The following PVT1 variants were observed in gnomAD, a reference collection of about 807,000 sequenced individuals.
PVT1 encodes CXCR4/PVT1 fusion.
At chr8:128,076,668 G>T (rs759875475) in intron 5 of PVT1, among the ~76,000 whole-genome samples, 1 of 152,148 alleles carries the variant, frequency 6.6e-6, no homozygotes, top group South Asian at 2.1e-4. Flanking sequence ...AATTCCCAGT[G>T]AGCCAGGTAT....
intron 2 of PVT1, among the ~76,000 whole-genome samples, chr8:127,875,873 G>C (rs1276079685): frequency 6.6e-6 from 1 of 152,210 alleles, no homozygotes; most frequent in Non-Finnish European, 1.5e-5. Context: ...CTCCCTTTCA[G>C]CAACCATCAC....
At chr8:127,956,570 T>C (rs1816571902) in intron 3 of PVT1, among the ~76,000 whole-genome samples, 1 of 152,244 alleles carries the variant, frequency 6.6e-6, no homozygotes, top group Non-Finnish European at 1.5e-5. Flanking sequence ...CTGTAACCTC[T>C]GCCTCCTGAG....
chr8:128,014,066 A>C (rs892189935), intron 4 of PVT1, among the ~76,000 whole-genome samples: 1 of 152,204 alleles, frequency 6.6e-6, no homozygotes, highest in Non-Finnish European at 1.5e-5. Flanking sequence ...CCCAAGTGTT[A>C]GTAGGCCCTG....
At chr8:128,097,077 T>G (rs1814438428) in intron 6 of PVT1, among the ~76,000 whole-genome samples, 1 of 152,168 alleles carries the variant, frequency 6.6e-6, no homozygotes, top group Non-Finnish European at 1.5e-5. Flanking sequence ...AACTGTAGCC[T>G]TTGCTGGGTA....
At chr8:128,067,138 C>T (rs2130129856) in intron 4 of PVT1, among the ~76,000 whole-genome samples, 1 of 152,304 alleles carries the variant, frequency 6.6e-6, no homozygotes, top group Non-Finnish European at 1.5e-5. Flanking sequence ...CTTGTTTTAT[C>T]TTATACTTCA....
intron 3 of PVT1, among the ~76,000 whole-genome samples, chr8:127,958,583 C>T (rs1394595390): frequency 6.6e-6 from 1 of 152,076 alleles, no homozygotes; most frequent in Non-Finnish European, 1.5e-5. Flanking sequence ...GAAGACAGGG[C>T]AGGTTGAAAG....
At chr8:128,086,041 T>A (rs1327705946) in intron 5 of PVT1, among the ~76,000 whole-genome samples, 1 of 152,242 alleles carries the variant, frequency 6.6e-6, no homozygotes, top group African/African-American at 2.4e-5. Context: ...AATGACATCA[T>A]GTCACAGTTA....
intron 2 of PVT1, among the ~76,000 whole-genome samples, chr8:127,846,894 T>G (rs1241427595): frequency 2.0e-5 from 3 of 151,312 alleles, no homozygotes; most frequent in African/African-American, 7.3e-5. Flanking sequence ...TGGGACAGGC[T>G]GGTCTTGAAC....
chr8:128,022,447 T>G (rs560528771), intron 4 of PVT1, among the ~76,000 whole-genome samples: 33 of 152,362 alleles, frequency 2.2e-4, no homozygotes, highest in African/African-American at 7.7e-4. Context: ...GGATAGCTTC[T>G]GTTGGCCAGA....
chr8:127,949,660 G>A (rs1428404422), intron 3 of PVT1, among the ~76,000 whole-genome samples: 1 of 152,068 alleles, frequency 6.6e-6, no homozygotes, highest in Admixed American at 6.5e-5. Flanking sequence ...AAACCAATGG[G>A]GGTGGCATTT....
At chr8:128,062,528 G>T (rs1813843763) in intron 4 of PVT1, among the ~76,000 whole-genome samples, 1 of 152,084 alleles carries the variant, frequency 6.6e-6, no homozygotes, top group Non-Finnish European at 1.5e-5. Flanking sequence ...GGTGAGAACT[G>T]GGCAAGCAAA....
intron 3 of PVT1, chr8:127,946,483 T>C (rs1816422247): frequency 6.6e-6 from 1 of 152,204 alleles, no homozygotes; most frequent in African/African-American, 2.4e-5. Flanking sequence ...AACTAGTTTG[T>C]GTCTGAGAAA....
chr8:127,880,463 TTTTTTTGTA>T (rs1230243208), intron 2 of PVT1, among the ~76,000 whole-genome samples: 7 of 149,564 alleles, frequency 4.7e-5, no homozygotes, highest in Admixed American at 4.0e-4. Flanking sequence ...CTAATTTTTT[TTTTTTTGTA>T]TTTTTAGTAG....
chr8:127,881,205 G>A (rs1480700554), intron 2 of PVT1, among the ~76,000 whole-genome samples: 1 of 152,002 alleles, frequency 6.6e-6, no homozygotes, highest in African/African-American at 2.4e-5. Flanking sequence ...TGCATCTCCC[G>A]AGTCTGACTC....
intron 3 of PVT1, among the ~76,000 whole-genome samples, chr8:127,939,356 C>T (rs569375655): frequency 2.0e-5 from 3 of 152,264 alleles, no homozygotes; most frequent in Admixed American, 1.3e-4. Context: ...GGGTATGGTC[C>T]GGCAGGTGGA....
chr8:128,008,099 T>C (rs1482911474), intron 4 of PVT1, among the ~76,000 whole-genome samples: 2 of 152,252 alleles, frequency 1.3e-5, no homozygotes, highest in African/African-American at 2.4e-5. Context: ...GTGACAATCG[T>C]TGCATTTACC....
chr8:127,887,310 A>T (rs746115910), intron 2 of PVT1, among the ~76,000 whole-genome samples: 7 of 152,188 alleles, frequency 4.6e-5, no homozygotes, highest in Non-Finnish European at 1.0e-4. Flanking sequence ...GCAGGAACTC[A>T]CTGGCTTGCT....
At chr8:128,061,024 C>A (rs1044529131) in intron 4 of PVT1, among the ~76,000 whole-genome samples, 22 of 151,936 alleles carry the variant, frequency 1.4e-4, no homozygotes, top group Non-Finnish European at 1.0e-4. Context: ...ATTCTCCTGC[C>A]TCAGCCTCCC....
intron 6 of PVT1, among the ~76,000 whole-genome samples, chr8:128,100,776 C>T (rs1266086888): frequency 6.6e-6 from 1 of 152,148 alleles, no homozygotes; most frequent in Non-Finnish European, 1.5e-5. Flanking sequence ...ATTTAGGCTA[C>T]AGTTTAAATG....
Sources: allele counts gnomAD v4.1 joint callset (sites outside exome capture counted in the v4.1 genomes callset), GRCh38; gene constraint gnomAD v4.1.1; transcripts MANE v1.5; gene names NCBI Gene and HGNC (gene_info 2026-07-23, HGNC 2026-07-21).